Variants in SUMF1 observed in about 807,000 individuals in gnomAD.
The protein encoded by SUMF1 is formylglycine-generating enzyme.
A neutral mutation model predicts 47.6 loss-of-function variants in SUMF1; 48 were observed. That is an observed-to-expected ratio of 1.01 (90% CI 0.80 to 1.28). The LOEUF is 1.28. Ranked by LOEUF, SUMF1 falls within the 50% of genes most tolerant of loss-of-function variation. SUMF1 has a pLI of 0.00. For synonymous variants in SUMF1, 230 were observed against 192.1 expected (o/e 1.20, Z -1.63); for missense variants, 571 against 485.4 (o/e 1.18, Z -1.66).
chr3:4,102,623 A>C (rs1040641038), intron 8 of SUMF1, among the ~76,000 whole-genome samples: 1 of 152,162 alleles, frequency 6.6e-6, no homozygotes, highest in Non-Finnish European at 1.5e-5. Flanking sequence ...ATTTTCTAAT[A>C]GTGCTTCCCA....
chr3:4,148,866 T>C (rs955959377), intron 8 of SUMF1, among the ~76,000 whole-genome samples: 1 of 152,178 alleles, frequency 6.6e-6, no homozygotes, highest in Non-Finnish European at 1.5e-5. Context: ...ACAAGGGTCA[T>C]ATCAACTGTG....
intron 8 of SUMF1, among the ~76,000 whole-genome samples, chr3:4,085,072 C>A (rs2125048238): frequency 6.6e-6 from 1 of 152,204 alleles, no homozygotes; most frequent in South Asian, 2.1e-4. Context: ...ATTACAGACT[C>A]AGAGACAGAT....
intron 8 of SUMF1, among the ~76,000 whole-genome samples, chr3:4,110,950 A>T (rs1693288162): frequency 6.6e-6 from 1 of 151,720 alleles, no homozygotes; most frequent in African/African-American, 2.4e-5. Flanking sequence ...ATATGTAACT[A>T]ACCTGCATGT....
At chr3:4,101,791 T>C (rs1272060934) in intron 8 of SUMF1, among the ~76,000 whole-genome samples, 2 of 152,094 alleles carry the variant, frequency 1.3e-5, no homozygotes, top group Non-Finnish European at 2.9e-5. Flanking sequence ...GTGAGTTTTA[T>C]TAAAATGTGC....
chr3:4,273,761 G>GGGGAGGATACGGGAGGGAGGATACGGGA (rs1697354213), intron 8 of SUMF1, among the ~76,000 whole-genome samples: 1 of 55,444 alleles, frequency 1.8e-5, no homozygotes, highest in Non-Finnish European at 3.4e-5. Context: ...GGATACGGGA[G>GGGGAGGATACGGGAGGGAGGATACGGGA]GGGAGGATAC....
chr3:4,336,198 A>C (rs1303698824), intron 8 of SUMF1, among the ~76,000 whole-genome samples: 2 of 152,062 alleles, frequency 1.3e-5, no homozygotes, highest in Non-Finnish European at 2.9e-5. Flanking sequence ...GATTTTTCCA[A>C]GGGAGATTTT....
At chr3:4,069,674 C>T (rs184047063) in intron 8 of SUMF1, among the ~76,000 whole-genome samples, 75 of 152,166 alleles carry the variant, frequency 4.9e-4, no homozygotes, top group African/African-American at 1.7e-3. Context: ...GGCCCAAATT[C>T]CTACCTAAGG....
intron 3 of SUMF1, among the ~76,000 whole-genome samples, chr3:4,443,562 G>C (rs1042695708): frequency 1.3e-5 from 2 of 152,092 alleles, no homozygotes; most frequent in African/African-American, 4.8e-5. Flanking sequence ...CCAGGAGTTT[G>C]AGACCAGCCT....
intron 8 of SUMF1, among the ~76,000 whole-genome samples, chr3:4,362,806 C>A (rs941001505): frequency 6.6e-6 from 1 of 152,042 alleles, no homozygotes; most frequent in African/African-American, 2.4e-5. Flanking sequence ...CACAGCTACT[C>A]TAGAGGTTGA....
At chr3:4,053,335 A>T (rs1483510107) in intron 9 of SUMF1, among the ~76,000 whole-genome samples, 1 of 152,142 alleles carries the variant, frequency 6.6e-6, no homozygotes, top group African/African-American at 2.4e-5. Context: ...ATCAAAGATC[A>T]ATGATCACAG....
chr3:4,429,981 A>T (rs575321933), intron 3 of SUMF1, among the ~76,000 whole-genome samples: 3 of 152,326 alleles, frequency 2.0e-5, no homozygotes, highest in African/African-American at 7.2e-5. Context: ...ATGCTTTTAA[A>T]GGACTTTAAA....
chr3:4,399,474 G>A (rs768261393), intron 7 of SUMF1, among the ~76,000 whole-genome samples: 2 of 152,168 alleles, frequency 1.3e-5, no homozygotes, highest in Non-Finnish European at 2.9e-5. Flanking sequence ...ATGTAAAGAA[G>A]AGAATTATTG....
intron 8 of SUMF1, among the ~76,000 whole-genome samples, chr3:4,223,385 A>G (rs981269048): frequency 1.2e-4 from 18 of 152,270 alleles, no homozygotes; most frequent in African/African-American, 4.3e-4. Context: ...AGATAATGGT[A>G]TTACATAGCT....
At chr3:4,260,090 A>T (rs1449698665) in intron 8 of SUMF1, among the ~76,000 whole-genome samples, 1 of 152,188 alleles carries the variant, frequency 6.6e-6, no homozygotes, top group Non-Finnish European at 1.5e-5. Context: ...GAAATCTAGA[A>T]TCTCATTTAT....
At chr3:4,240,907 A>C (rs1332751811) in intron 8 of SUMF1, among the ~76,000 whole-genome samples, 4 of 151,950 alleles carry the variant, frequency 2.6e-5, no homozygotes, top group Non-Finnish European at 5.9e-5. Flanking sequence ...CTTTATAAAG[A>C]CCTTTATAAA....
At chr3:4,340,675 G>T (rs1316972653) in intron 8 of SUMF1, among the ~76,000 whole-genome samples, 2 of 152,118 alleles carry the variant, frequency 1.3e-5, no homozygotes, top group Non-Finnish European at 2.9e-5. Flanking sequence ...GAGATTCAAG[G>T]GATATTTAAG....
intron 9 of SUMF1, among the ~76,000 whole-genome samples, chr3:4,054,134 A>G (rs1315266233): frequency 1.3e-5 from 2 of 152,040 alleles, no homozygotes; most frequent in Non-Finnish European, 2.9e-5. Context: ...CCTTTTGAGC[A>G]ATACCATTTG....
intron 8 of SUMF1, among the ~76,000 whole-genome samples, chr3:4,350,332 C>CGTGTGT (rs10674918): frequency 0.027 from 3,958 of 146,446 alleles, 157 homozygotes; most frequent in African/African-American, 0.085. Flanking sequence ...TGTGTATATG[C>CGTGTGT]GTGTGTGTGT....
intron 8 of SUMF1, among the ~76,000 whole-genome samples, chr3:4,355,592 T>A (rs565033878): frequency 6.6e-6 from 1 of 152,292 alleles, no homozygotes; most frequent in East Asian, 1.9e-4. Context: ...TGATAGTCTG[T>A]TAGTGGTTTC....
Sources: allele counts gnomAD v4.1 joint callset (sites outside exome capture counted in the v4.1 genomes callset), GRCh38; gene constraint gnomAD v4.1.1; transcripts MANE v1.5; gene names NCBI Gene and HGNC (gene_info 2026-07-23, HGNC 2026-07-21).